Variants in PTGR1 observed in about 807,000 individuals in gnomAD.
PTGR1 encodes prostaglandin reductase 1, also known as 15-oxoprostaglandin 13-reductase.
A neutral mutation model predicts 37.7 loss-of-function variants in PTGR1; 23 were observed. The observed-to-expected ratio is 0.61, with a 90% CI of 0.44 to 0.86. The LOEUF is 0.86. Among genes scored for constraint, PTGR1 ranks in the 40% least tolerant of loss-of-function variants. The pLI, the probability that PTGR1 is intolerant of heterozygous loss-of-function variation, is 0.00. For synonymous variants in PTGR1, 134 were observed against 140.0 expected (o/e 0.96, Z 0.30); for missense variants, 351 against 394.3 (o/e 0.89, Z 0.93).
chr9:111,595,120 G>A (rs1308681277), intron 2 of PTGR1, among the ~76,000 whole-genome samples: 2 of 152,024 alleles, frequency 1.3e-5, no homozygotes, highest in African/African-American at 4.8e-5. Flanking sequence ...CTCCCAAAGT[G>A]CTGGGATTAC....
intron 7 of PTGR1, 23 bp downstream of exon 7, chr9:111,578,773 T>C: frequency 2.5e-6 from 4 of 1,579,862 alleles, no homozygotes; most frequent in Non-Finnish European, 3.4e-6. Flanking sequence ...ATAAATTAGA[T>C]ATTAAGTCCA....
At chr9:111,561,108 TATAGAG>T (rs1196120096), downstream of PTGR1, among the ~76,000 whole-genome samples, 32 of 20,860 alleles carry the variant, frequency 1.5e-3, 3 homozygotes, top group African/African-American at 0.011. Context: ...TATATATATA[TATAGAG>T]AGAGAGAGAG....
At chr9:111,572,551 T>C (rs746951285) in intron 8 of PTGR1, among the ~76,000 whole-genome samples, 2 of 151,606 alleles carry the variant, frequency 1.3e-5, no homozygotes, top group African/African-American at 2.4e-5. Flanking sequence ...GATCGTGCCA[T>C]TGCACTCCAG....
At chr9:111,585,660 T>C (rs1355167919) in intron 5 of PTGR1, among the ~76,000 whole-genome samples, 6 of 152,254 alleles carry the variant, frequency 3.9e-5, no homozygotes, top group African/African-American at 1.4e-4. Flanking sequence ...CTTTGTTAGA[T>C]TCCACACTGA....
intron 9 of PTGR1, among the ~76,000 whole-genome samples, chr9:111,556,783 T>C (rs1322390238): frequency 1.3e-5 from 2 of 152,218 alleles, no homozygotes; most frequent in African/African-American, 2.4e-5. Context: ...CATGTGAAGA[T>C]GTGCTTGCTT....
At chr9:111,558,597 T>A (rs1308495183), downstream of PTGR1, among the ~76,000 whole-genome samples, 1 of 152,198 alleles carries the variant, frequency 6.6e-6, no homozygotes, top group Admixed American at 6.5e-5. Flanking sequence ...TTCCTTTTAG[T>A]AGAGAATAAT....
intron 9 of PTGR1, among the ~76,000 whole-genome samples, chr9:111,550,711 T>G (rs1187751855): frequency 6.6e-6 from 1 of 152,252 alleles, no homozygotes; most frequent in East Asian, 1.9e-4. Flanking sequence ...CAACTTTATC[T>G]TCCAGCTCTA....
downstream of PTGR1, among the ~76,000 whole-genome samples, chr9:111,558,218 G>A (rs1202909372): frequency 2.0e-5 from 3 of 152,120 alleles, no homozygotes; most frequent in East Asian, 1.9e-4. Flanking sequence ...GTCTCAGTAC[G>A]GACTCATGGT....
intron 9 of PTGR1, among the ~76,000 whole-genome samples, chr9:111,550,998 TA>T (rs1827924594): frequency 6.6e-6 from 1 of 152,218 alleles, no homozygotes; most frequent in South Asian, 2.1e-4. Flanking sequence ...AGCAGGGCTC[TA>T]AAAAGCTGAT....
intron 8 of PTGR1, among the ~76,000 whole-genome samples, chr9:111,572,076 G>A (rs1202078150): frequency 2.0e-5 from 3 of 152,222 alleles, no homozygotes; most frequent in Non-Finnish European, 2.9e-5. Flanking sequence ...GTGCTAAGAC[G>A]AGTGGTGGAA....
In PTGR1 at chr9:111,570,172, G is replaced by T. The variant is rs200653311; in HGVS notation, c.798C>A (p.Arg266=). The T allele has an allele frequency of 2.0e-5, 33 of 1,614,082 alleles. No homozygotes were observed. In the Admixed American group the frequency reaches 4.0e-4, roughly 20 times the overall value. ...AGCGGTAGACGACAAAAGCTTCCATGCGAAGCTCCTGATAGATAACAATCT... is the reference window on the plus strand; with the variant it reads ...AGCGGTAGACGACAAAAGCTTCCATTCGAAGCTCCTGATAGATAACAATCT... ...PPEIVIYQEL[R]MEAFVVYRWQ... The change falls in exon 9 of 10, where the codon CGC becomes CGA. Residue 266 remains arginine (R), a synonymous_variant. Coordinates refer to ENST00000407693, the MANE Select transcript of PTGR1 (RefSeq NM_001146108.2).
chr9:111,555,929 A>G (rs187314377), intron 9 of PTGR1, among the ~76,000 whole-genome samples: 1 of 152,170 alleles, frequency 6.6e-6, no homozygotes, highest in African/African-American at 2.4e-5. Context: ...ACAGTCCCTT[A>G]AAGTCTTAAC....
intron 6 of PTGR1, 118 bp downstream of exon 6, chr9:111,583,354 C>T: frequency 1.2e-6 from 1 of 807,578 alleles, no homozygotes; most frequent in Non-Finnish European, 2.0e-6. Context: ...CAATCTCCAA[C>T]TTCTAAAGAA....
chr9:111,574,633 A>G, intron 8 of PTGR1, 101 bp downstream of exon 8: 1 of 775,998 alleles, frequency 1.3e-6, no homozygotes, highest in East Asian at 2.8e-5. Context: ...ATATATGAAA[A>G]TCTTTCTAAT....
chr9:111,593,718 G>A (rs990854224), intron 3 of PTGR1, among the ~76,000 whole-genome samples: 5 of 152,042 alleles, frequency 3.3e-5, no homozygotes, highest in African/African-American at 1.2e-4. Context: ...ACCTAGGCTG[G>A]AGTGCGGTGG....
intron 9 of PTGR1, among the ~76,000 whole-genome samples, chr9:111,555,088 G>T (rs1034264552): frequency 6.6e-6 from 1 of 152,164 alleles, no homozygotes; most frequent in Non-Finnish European, 1.5e-5. Context: ...CACATGGTGG[G>T]ATAGGAGTTG....
chr9:111,567,799 C>T (rs1828632349), intron 9 of PTGR1, among the ~76,000 whole-genome samples: 2 of 152,200 alleles, frequency 1.3e-5, no homozygotes, highest in African/African-American at 4.8e-5. Flanking sequence ...GTAGAGTCCA[C>T]TACTGTTGCG....
rs1474515741 is a variant in PTGR1 at position 111,583,521 on chromosome 9, G to A, written c.446C>T (p.Ala149Val). 6.2e-7 allele frequency: 1 copy of A among 1,614,088 alleles called. No individual in the cohort carries two copies. The highest frequency in any genetic ancestry group is 1.1e-5 in the South Asian group (1 of 91,086). The change falls in exon 6 of 10, where the codon GCA becomes GTA. Residue 149 changes from alanine to valine, a missense_variant. Transcript: ENST00000407693. The stretch of plus-strand genomic sequence containing the variant: ...GACTGAGCCCACAGCTCCAGCTGCT[G>A]CATTAACCATCACTGTTTCTCCACC... ...VKGGETVMVN[A>V]AAGAVGSVVG...
intron 4 of PTGR1, among the ~76,000 whole-genome samples, chr9:111,590,411 T>G (rs1340668987): frequency 6.6e-6 from 1 of 152,168 alleles, no homozygotes; most frequent in Admixed American, 6.5e-5. Context: ...CAGGCTGGAC[T>G]GCAGAGGTGT....
Sources: gnomAD v4.1 joint callset for allele counts (sites outside exome capture counted in the v4.1 genomes callset) on GRCh38, gnomAD v4.1.1 for gene constraint, MANE v1.5 for transcripts, NCBI Gene and HGNC (gene_info 2026-07-23, HGNC 2026-07-21) for gene names.